Variants in SND1 observed in about 807,000 individuals in gnomAD.
The protein encoded by SND1 is staphylococcal nuclease and tudor domain containing 1.
SND1 carries 38 observed loss-of-function variants against 121.7 expected under a neutral mutation model. That is an observed-to-expected ratio of 0.31 (90% confidence interval 0.24 to 0.41). The LOEUF (loss-of-function observed/expected upper bound fraction) is 0.41, where lower values mean the gene tolerates loss of function less well. Among genes scored for constraint, SND1 ranks in the 10% least tolerant of loss-of-function variants. SND1 has a pLI of 1.00. For missense variants in SND1, 868 were observed against 1,184.6 expected (o/e 0.73, Z 3.92); for synonymous variants, 401 against 447.4 (o/e 0.90, Z 1.31).
intron 10 of SND1, among the ~76,000 whole-genome samples, chr7:127,762,780 T>A (rs1180332535): frequency 6.6e-6 from 1 of 152,240 alleles, no homozygotes; most frequent in Admixed American, 6.5e-5. Context: ...AACTTCTAAA[T>A]TCAGTTAGTA....
chr7:127,858,976 G>A (rs957119402), intron 12 of SND1, among the ~76,000 whole-genome samples: 8 of 152,142 alleles, frequency 5.3e-5, no homozygotes, highest in African/African-American at 1.9e-4. Flanking sequence ...TAAACTACAG[G>A]GGATGTGAAA....
At chr7:127,863,092 A>G (rs1275612617) in intron 12 of SND1, among the ~76,000 whole-genome samples, 1 of 152,244 alleles carries the variant, frequency 6.6e-6, no homozygotes, top group Non-Finnish European at 1.5e-5. Flanking sequence ...GAGGAGTGAC[A>G]TAACTAGGCC....
At chr7:127,723,868 TATC>T in intron 10 of SND1, among the ~76,000 whole-genome samples, 1 of 152,280 alleles carries the variant, frequency 6.6e-6, no homozygotes. Flanking sequence ...CAAATTATTA[TATC>T]ATTTCAACAT....
At chr7:128,058,251 C>T (rs1793174705) in intron 16 of SND1, among the ~76,000 whole-genome samples, 1 of 152,296 alleles carries the variant, frequency 6.6e-6, no homozygotes, top group Non-Finnish European at 1.5e-5. Flanking sequence ...TTTCTATTCT[C>T]ACTACATGTG....
At chr7:127,798,556 C>G (rs1048199134) in intron 10 of SND1, among the ~76,000 whole-genome samples, 2 of 152,090 alleles carry the variant, frequency 1.3e-5, no homozygotes, top group Non-Finnish European at 2.9e-5. Flanking sequence ...TGAATTCTCC[C>G]ATTTTTATTA....
intron 16 of SND1, among the ~76,000 whole-genome samples, chr7:128,051,715 A>G (rs78172081): frequency 1.3e-5 from 2 of 152,294 alleles, no homozygotes; most frequent in East Asian, 1.9e-4. Context: ...TTCACTCGGG[A>G]TGGAAAGAAA....
chr7:127,815,459 T>C (rs2116592594), intron 11 of SND1, among the ~76,000 whole-genome samples: 1 of 151,994 alleles, frequency 6.6e-6, no homozygotes, highest in South Asian at 2.1e-4. Context: ...CACTGGACTC[T>C]AGTCTGTGCA....
intron 1 of SND1, among the ~76,000 whole-genome samples, chr7:127,675,018 T>C (rs1795591816): frequency 6.6e-6 from 1 of 152,136 alleles, no homozygotes; most frequent in Admixed American, 6.5e-5. Flanking sequence ...CTGGCCAACA[T>C]AGTGAAATCC....
At chr7:127,759,873 A>G (rs1797270273) in intron 10 of SND1, among the ~76,000 whole-genome samples, 1 of 152,096 alleles carries the variant, frequency 6.6e-6, no homozygotes, top group Admixed American at 6.6e-5. Flanking sequence ...TAATGTATTT[A>G]CTGATTTTAT....
At position 128,092,177 on chromosome 7, in the gene SND1, A is replaced by T; in HGVS notation, c.*119A>T. The T allele has an allele frequency of 9.0e-7, 1 of 1,115,316 alleles. No individual in the cohort carries two copies. The highest frequency in any genetic ancestry group is 2.0e-5 in the Admixed American group (1 of 49,270). The allele number at this position is 1,115,316 out of a possible 1,614,324, so 69.1% of individuals were successfully genotyped here. A position where few individuals can be genotyped will look rare whatever the true frequency, so the allele number is the denominator to read the frequency against. On this transcript the variant is annotated 3_prime_UTR_variant, in exon 24 of 24. Transcript: ENST00000354725. This position sits in a 1 kb window ranked among gnomAD's most constrained non-coding sequence, Gnocchi z 4.9. ...TGTAGATTGGGTCCAGCTTTGCTTCAGTGTGTGGAAATGTCTCGTGGGGTG... is the reference window on the plus strand; with the variant it reads ...TGTAGATTGGGTCCAGCTTTGCTTCTGTGTGTGGAAATGTCTCGTGGGGTG...
chr7:128,090,494 A>G lies in SND1; in HGVS notation c.2622+802A>G, dbSNP rs577630748. On this transcript the variant is annotated intron_variant, in intron 22 of 23. Coordinates refer to ENST00000354725, the MANE Select transcript of SND1 (RefSeq NM_014390.4). ...TCAGCGAACCATCCAAGAGGGCCAG[A>G]CTTGGGGAAGCTCGGGCCCCCGACA... is the stretch of plus-strand genomic sequence containing the variant. Among the ~76,000 whole-genome samples the G allele has an allele frequency of 7.6e-4, 115 of 152,298 alleles. 2 individuals carry two copies. In the South Asian group the frequency reaches 0.023, roughly 31 times the overall value.
rs1337137436 is a variant in SND1, at chr7:128,029,026, G to A, written c.1779+37970G>A. On this transcript the variant is annotated intron_variant, in intron 16 of 23. Transcript: ENST00000354725. The surrounding 1 kb of genome is among the most constrained non-coding windows in gnomAD (Gnocchi z 4.2). ...AAGACAATCAACATGGCGGCAGCTA[G>A]CAGAGTCACTGCCACAAAGCAGCCA... 1.1e-5 allele frequency: 17 copies of A among 1,613,956 alleles called. No individual in the cohort carries two copies. The highest frequency in any genetic ancestry group is 2.2e-5 in the East Asian group (1 of 44,882).
At chr7:127,922,128 C>T (rs749654231) in intron 14 of SND1, among the ~76,000 whole-genome samples, 11 of 145,142 alleles carry the variant, frequency 7.6e-5, no homozygotes, top group Non-Finnish European at 1.7e-4. Flanking sequence ...GTAGATAAGA[C>T]TACAGGTGTG....
At chr7:127,786,393 T>C (rs960057362) in intron 10 of SND1, among the ~76,000 whole-genome samples, 2 of 152,192 alleles carry the variant, frequency 1.3e-5, no homozygotes, top group African/African-American at 2.4e-5. Context: ...TAAAATCTCA[T>C]TGGGAACAAT....
intron 15 of SND1, among the ~76,000 whole-genome samples, chr7:127,943,692 T>C (rs1801265924): frequency 6.6e-6 from 1 of 152,156 alleles, no homozygotes; most frequent in African/African-American, 2.4e-5. Context: ...GGAGGTGCCA[T>C]TGGCTGGCAT....
chr7:127,904,970 A>C (rs1393474155), intron 14 of SND1, 151 bp downstream of exon 14: 3 of 580,352 alleles, frequency 5.2e-6, no homozygotes, highest in Non-Finnish European at 9.4e-6. Context: ...GCATCTACTT[A>C]GGTATCTATA....
intron 13 of SND1, among the ~76,000 whole-genome samples, chr7:127,903,816 G>T (rs555674607): frequency 8.5e-5 from 13 of 152,188 alleles, no homozygotes; most frequent in Non-Finnish European, 1.5e-4. Context: ...TTGGCCCTGG[G>T]CTGGGCAGCT....
chr7:127,852,918 C>A (rs1397777571), intron 12 of SND1, among the ~76,000 whole-genome samples: 2 of 152,104 alleles, frequency 1.3e-5, no homozygotes, highest in Non-Finnish European at 2.9e-5. Context: ...TTTGATAAAT[C>A]CTTAAATATT....
chr7:127,679,406 T>C (rs1311237326), intron 1 of SND1: 1 of 152,232 alleles, frequency 6.6e-6, no homozygotes, highest in Non-Finnish European at 1.5e-5. Context: ...TATGTCCCCA[T>C]GTTTTTGTAC....
Sources: gnomAD v4.1 joint callset for allele counts (sites outside exome capture counted in the v4.1 genomes callset) on GRCh38, gnomAD v4.1.1 for gene constraint, Gnocchi (gnomAD v3.1) non-coding constraint, MANE v1.5 for transcripts, NCBI Gene and HGNC (gene_info 2026-07-23, HGNC 2026-07-21) for gene names.